DNAH12: variants seen among roughly 807,000 people sequenced by gnomAD.
DNAH12 encodes the protein dynein axonemal heavy chain 12.
DNAH12 carries 285 observed loss-of-function variants against 371.5 expected under a neutral mutation model. The observed-to-expected ratio is 0.77, with a 90% CI of 0.70 to 0.85. The LOEUF (loss-of-function observed/expected upper bound fraction) is 0.85. Among genes scored for constraint, DNAH12 ranks in the 40% least tolerant of loss-of-function variants. The pLI, the probability that DNAH12 is intolerant of heterozygous loss-of-function variation, is 0.00. For synonymous variants in DNAH12, 1,200 were observed against 1,213.0 expected (o/e 0.99, Z 0.22); for missense variants, 3,611 against 3,689.4 (o/e 0.98, Z 0.55).
rs1173626983 is a variant in DNAH12 at position 57,433,372 on chromosome 3, T to C, written c.4975A>G (p.Lys1659Glu). 3.2e-6 allele frequency: 5 copies of C among 1,548,534 alleles called. No individual in the cohort carries two copies. The highest frequency in any genetic ancestry group is 2.6e-6 in the Non-Finnish European group (3 of 1,146,134). The change falls in exon 32 of 74, where the codon AAA (lysine) becomes GAA (glutamate). Residue 1659 changes from lysine (K) to glutamate (E), a missense_variant. By Grantham distance (56) the Lys-to-Glu change is moderately conservative. Transcript: ENST00000495027. ...CTCTTTTGATCATGATTTACCTTTT[T>C]ATTATCATCCAATACTGTGTTCATG... The part of the protein sequence containing the change: ...ESMNTVLDDN[K>E]KLCLMSGEII...
intron 37 of DNAH12, among the ~76,000 whole-genome samples, chr3:57,416,693 A>G (rs2064386834): frequency 6.6e-6 from 1 of 152,168 alleles, no homozygotes; most frequent in Non-Finnish European, 1.5e-5. Context: ...ATGTATATGT[A>G]TACTGTTAAC....
rs576528353 is a variant in DNAH12 at position 57,501,327 on chromosome 3, A to G, written c.1329T>C (p.Tyr443=). 7 of 1,602,100 alleles carry G rather than the reference A, an allele frequency of 4.4e-6. No homozygotes were observed. The South Asian group carries it at 8.0e-5, about 18-fold the overall frequency. ...FQTEDHTFDE[Y]TEFIEKFLSL... The stretch of plus-strand genomic sequence containing the variant: ...AAACAGAATTACCGCTTACCTCTGT[A>G]TATTCATCAAAAGTATGATCTTCTG... Residue 443 remains tyrosine, a synonymous_variant, in exon 11 of 74, where the codon TAT becomes TAC. Transcript: ENST00000495027.
chr3:57,306,456 T>C (rs1031928373), intron 69 of DNAH12, among the ~76,000 whole-genome samples: 1 of 152,134 alleles, frequency 6.6e-6, no homozygotes, highest in East Asian at 1.9e-4. Context: ...TGAGACACTT[T>C]AACTAAATTA....
At chr3:57,391,623 C>G in intron 45 of DNAH12, among the ~76,000 whole-genome samples, 1 of 152,296 alleles carries the variant, frequency 6.6e-6, no homozygotes, top group Middle Eastern at 3.4e-3. Context: ...ACCCTTTGCA[C>G]ATCAACATTA....
intron 50 of DNAH12, among the ~76,000 whole-genome samples, chr3:57,381,559 T>TTATA: frequency 6.6e-6 from 1 of 152,184 alleles, no homozygotes; most frequent in Non-Finnish European, 1.5e-5. Flanking sequence ...ACTAATCTAA[T>TTATA]TCTCTTATTA....
Position 57,305,295 on chromosome 3 carries a change from C to T in DNAH12, c.11190-3356G>A, listed in dbSNP as rs966017461. On this transcript the variant is annotated intron_variant, in intron 69 of 73. Coordinates refer to ENST00000495027, the MANE Select transcript of DNAH12 (RefSeq NM_001366028.2). ...ATCCCAACCCCAAGCGTCGCTGAGT[C>T]TTTCTAATCTTCCTTTTCTACAGAC... Among the ~76,000 whole-genome samples, 90 of 152,114 alleles carry T rather than the reference C, an allele frequency of 5.9e-4. 1 individual carries two copies. The highest frequency in any genetic ancestry group is 2.2e-3 in the African/African-American group (90 of 41,484).
rs866137989 is a variant in DNAH12, at chr3:57,334,906, A to T, written c.9709T>A (p.Phe3237Ile). 1 of 1,551,408 alleles carries T rather than the reference A, an allele frequency of 6.4e-7. No homozygotes were observed. The highest frequency in any genetic ancestry group is 8.7e-7 in the Non-Finnish European group (1 of 1,146,920). Residue 3237 changes from phenylalanine (F) to isoleucine (I), a missense_variant, in exon 61 of 74, where the codon TTT becomes ATT. By Grantham distance (21) the Phe-to-Ile change is conservative. Around this residue, in one of 3 missense-constraint regions of DNAH12, gnomAD observed 2,266 missense variants for 2,236.9 expected, o/e 1.01. Coordinates refer to ENST00000495027, the MANE Select transcript of DNAH12 (RefSeq NM_001366028.2). Reference protein sequence around the residue: ...RKEIEYQELMFLLTGGVSLKS... With the variant: ...RKEIEYQELMILLTGGVSLKS... Reference sequence around the variant, plus strand: ...AGACTTACTCCTCCAGTTAAAAGAAACATCAGTTCCTGGTATTCAATCTCT... The same window carrying T: ...AGACTTACTCCTCCAGTTAAAAGAATCATCAGTTCCTGGTATTCAATCTCT...
intron 52 of DNAH12, among the ~76,000 whole-genome samples, chr3:57,378,552 C>T (rs1413658689): frequency 1.3e-5 from 2 of 152,138 alleles, no homozygotes; most frequent in Non-Finnish European, 2.9e-5. Flanking sequence ...TTCATCTACA[C>T]CTTTTTATTT....
chr3:57,433,230 G>C (rs1426875946), intron 32 of DNAH12, 137 bp downstream of exon 32: 1 of 1,081,774 alleles, frequency 9.2e-7, no homozygotes, highest in African/African-American at 1.6e-5. Flanking sequence ...ATTGAAAAGA[G>C]AATTTATAAA....
chr3:57,545,063 T>C (rs919047960), upstream of DNAH12, among the ~76,000 whole-genome samples: 5 of 151,964 alleles, frequency 3.3e-5, no homozygotes, highest in African/African-American at 1.2e-4. Context: ...CTCTAAAATG[T>C]CATTTAAGCG....
At position 57,296,398 on chromosome 3, in the gene DNAH12, T is replaced by G. The variant is rs549623371; in HGVS notation, c.11570A>C (p.Asp3857Ala). 1.3e-6 allele frequency: 2 copies of G among 1,551,006 alleles called. No homozygotes were observed. Among genetic ancestry groups the G allele is most frequent in the Admixed American group, 3.9e-5 (2 of 50,962 alleles). ...ATACAGTCCGTGGATATAAACACCA[T>G]CTTCTGGTGATGTGTCAGATGTATC... is the stretch of plus-strand genomic sequence containing the variant. ...PSDTSDTSPEDGVYIHGLYLD... is the reference protein window; with the variant it reads ...PSDTSDTSPEAGVYIHGLYLD... Residue 3857 changes from aspartate to alanine, a missense_variant, in exon 72 of 74, where the codon GAT (aspartate) becomes GCT (alanine). Asp to Ala is a moderately radical substitution (Grantham distance 126). This residue lies in a region of DNAH12 where 2,266 missense variants were observed against 2,236.9 expected (regional missense o/e 1.01). Transcript: ENST00000495027.
intron 12 of DNAH12, among the ~76,000 whole-genome samples, chr3:57,485,216 C>T (rs991607538): frequency 1.3e-5 from 2 of 152,164 alleles, no homozygotes; most frequent in Admixed American, 6.5e-5. Context: ...ATGAAAAAGA[C>T]ATCTGCACAA....
rs1393940786 is a variant in DNAH12 at position 57,544,290 on chromosome 3, G to A, written c.-127C>T. 4 of 152,208 alleles carry A rather than the reference G, an allele frequency of 2.6e-5. No individual in the cohort carries two copies. Among genetic ancestry groups the A allele is most frequent in the East Asian group, 1.9e-4 (1 of 5,182 alleles). The allele number at this position is 152,208 out of a possible 1,614,324, so 9.4% of individuals were successfully genotyped here. ...CTCAGGTGAAAGGCAGGGGGATAACGAGGGAGAAACCTCCGGAACGCCACC... is the reference window on the plus strand; with the variant it reads ...CTCAGGTGAAAGGCAGGGGGATAACAAGGGAGAAACCTCCGGAACGCCACC... On this transcript the variant is annotated 5_prime_UTR_variant, in exon 1 of 74. Coordinates refer to ENST00000495027, the MANE Select transcript of DNAH12 (RefSeq NM_001366028.2).
intron 4 of DNAH12, among the ~76,000 whole-genome samples, chr3:57,515,395 C>T (rs189060844): frequency 1.2e-3 from 178 of 150,028 alleles, no homozygotes; most frequent in Non-Finnish European, 1.8e-3. Flanking sequence ...AAAAAAAAGA[C>T]GAAAGAGTCA....
upstream of DNAH12, among the ~76,000 whole-genome samples, chr3:57,545,161 C>CTT (rs573945458): frequency 7.3e-6 from 1 of 136,538 alleles, no homozygotes. Context: ...AATAATGTGA[C>CTT]TTTTTTTTTT....
chr3:57,356,691 GT>G (rs1438647169), intron 59 of DNAH12, among the ~76,000 whole-genome samples: 4 of 151,714 alleles, frequency 2.6e-5, no homozygotes, highest in African/African-American at 9.7e-5. Context: ...TAGAAAAGAG[GT>G]TTTGATTATC....
chr3:57,508,862 C>G (rs1372655989), intron 6 of DNAH12, among the ~76,000 whole-genome samples: 1 of 152,058 alleles, frequency 6.6e-6, no homozygotes, highest in Non-Finnish European at 1.5e-5. Context: ...GTCTTTAGGA[C>G]TAAAGAAAAG....
chr3:57,433,503 G>C lies in DNAH12; in HGVS notation c.4844C>G (p.Thr1615Ser), dbSNP rs906104718. ...GQFDPVSHEW[T>S]DGIVANTFRE... ...AAAAGTGTTAGCCACAATACCATCA[G>C]TCCACTGAGGAGGAAAAAAAAGAAT... The change falls in exon 32 of 74, where the codon ACT becomes AGT. Residue 1615 changes from threonine (T) to serine (S), a missense_variant. Transcript: ENST00000495027. 6.5e-7 allele frequency: 1 copy of C among 1,547,404 alleles called. No homozygotes were observed. The highest frequency in any genetic ancestry group is 2.0e-5 in the Admixed American group (1 of 49,920).
chr3:57,429,241 A>G (rs971523142), intron 33 of DNAH12, among the ~76,000 whole-genome samples: 4 of 151,110 alleles, frequency 2.6e-5, no homozygotes, highest in African/African-American at 9.8e-5. Flanking sequence ...CAATGGTACC[A>G]TCTCGGCTCA....
Sources: gnomAD v4.1 joint callset for allele counts (sites outside exome capture counted in the v4.1 genomes callset) on GRCh38, gnomAD v4.1.1 for gene constraint, gnomAD v4.1.1 regional missense constraint, MANE v1.5 for transcripts, NCBI Gene and HGNC (gene_info 2026-07-23, HGNC 2026-07-21) for gene names.